Variants in CTNNA3 observed in about 807,000 individuals in gnomAD.
CTNNA3 encodes catenin alpha 3.
A neutral mutation model predicts 95.7 loss-of-function variants in CTNNA3; 76 were observed. That is an observed-to-expected ratio of 0.79 (90% CI 0.66 to 0.96). The LOEUF (loss-of-function observed/expected upper bound fraction) is 0.96. Among genes scored for constraint, CTNNA3 ranks in the 40% least tolerant of loss-of-function variants. CTNNA3 has a pLI of 0.00. For synonymous variants in CTNNA3, 431 were observed against 374.4 expected (o/e 1.15, Z -1.74); for missense variants, 1,191 against 1,089.8 (o/e 1.09, Z -1.31).
rs114179885 is a variant in CTNNA3, at chr10:66,265,411, A to G, written c.1884+15059T>C. Among the ~76,000 whole-genome samples the G allele has an allele frequency of 6.1e-3, 934 of 152,104 alleles. 12 individuals are homozygous for G. The highest frequency in any genetic ancestry group is 0.022 in the African/African-American group (902 of 41,546). On this transcript the variant is annotated intron_variant, in intron 13 of 17. Transcript: ENST00000433211. ...ACAAAATCAAGAGGAAACTTCTTAAAATGCAAATTGGATCATGCCCCTCCC... is the reference window on the plus strand; with the variant it reads ...ACAAAATCAAGAGGAAACTTCTTAAGATGCAAATTGGATCATGCCCCTCCC...
intron 5 of CTNNA3, among the ~76,000 whole-genome samples, chr10:67,262,366 A>G (rs1866654067): frequency 6.6e-6 from 1 of 152,208 alleles, no homozygotes; most frequent in Non-Finnish European, 1.5e-5. Context: ...GAAGCAGAAC[A>G]TCCACGCAAG....
At chr10:66,120,052 A>C (rs987557011) in intron 13 of CTNNA3, among the ~76,000 whole-genome samples, 2 of 152,178 alleles carry the variant, frequency 1.3e-5, no homozygotes, top group Non-Finnish European at 1.5e-5. Flanking sequence ...TCTCGTGTGA[A>C]ACTAGTTTTA....
intron 11 of CTNNA3, among the ~76,000 whole-genome samples, chr10:66,443,738 A>G (rs1413572650): frequency 6.6e-6 from 1 of 152,032 alleles, no homozygotes; most frequent in Non-Finnish European, 1.5e-5. Flanking sequence ...ACAGAGCAGA[A>G]AAACCAGAAA....
chr10:67,109,809 C>T (rs1335997448), intron 7 of CTNNA3, among the ~76,000 whole-genome samples: 6 of 152,086 alleles, frequency 3.9e-5, no homozygotes, highest in Admixed American at 3.9e-4. Flanking sequence ...CGCCACTGCA[C>T]TCCAGCCTGG....
intron 5 of CTNNA3, among the ~76,000 whole-genome samples, chr10:67,443,250 A>G (rs935569051): frequency 6.6e-6 from 1 of 151,178 alleles, no homozygotes; most frequent in Non-Finnish European, 1.5e-5. Flanking sequence ...GTGCCGCAAT[A>G]AACATACGTG....
intron 5 of CTNNA3, among the ~76,000 whole-genome samples, chr10:67,291,194 A>T (rs1332672220): frequency 6.6e-6 from 1 of 152,180 alleles, no homozygotes; most frequent in Non-Finnish European, 1.5e-5. Flanking sequence ...ATGAAATAAC[A>T]TATGTAAAAG....
At chr10:66,935,146 A>G (rs936117039) in intron 7 of CTNNA3, among the ~76,000 whole-genome samples, 3 of 152,110 alleles carry the variant, frequency 2.0e-5, no homozygotes, top group African/African-American at 7.2e-5. Context: ...CTGTCTTCCT[A>G]TAAGTTTCCC....
At chr10:66,519,706 T>G (rs921164279) in intron 11 of CTNNA3, among the ~76,000 whole-genome samples, 3 of 152,160 alleles carry the variant, frequency 2.0e-5, no homozygotes, top group African/African-American at 7.2e-5. Context: ...AGACTGAACC[T>G]TTGTTCATCT....
intron 10 of CTNNA3, among the ~76,000 whole-genome samples, chr10:66,618,359 A>G (rs1844605455): frequency 6.6e-6 from 1 of 152,138 alleles, no homozygotes; most frequent in Non-Finnish European, 1.5e-5. Context: ...GTACCAAAAC[A>G]GAGATATAGA....
intron 13 of CTNNA3, among the ~76,000 whole-genome samples, chr10:66,166,516 A>G (rs956323738): frequency 9.1e-5 from 13 of 142,608 alleles, no homozygotes; most frequent in African/African-American, 1.8e-4. Context: ...AAAAAAAAAA[A>G]AAGAAGAAGT....
chr10:66,720,203 GAGA>G (rs1364657544), intron 9 of CTNNA3, among the ~76,000 whole-genome samples: 2 of 152,002 alleles, frequency 1.3e-5, no homozygotes, highest in African/African-American at 2.4e-5. Context: ...AAATGAAAGA[GAGA>G]AGAAGAGAGA....
intron 3 of CTNNA3, among the ~76,000 whole-genome samples, chr10:67,581,574 A>G (rs931722345): frequency 6.6e-6 from 1 of 152,216 alleles, no homozygotes; most frequent in Non-Finnish European, 1.5e-5. Context: ...CTGGCCTCAT[A>G]AAATGAGTTA....
intron 7 of CTNNA3, among the ~76,000 whole-genome samples, chr10:66,988,814 A>C (rs1333658829): frequency 6.6e-6 from 1 of 151,922 alleles, no homozygotes; most frequent in African/African-American, 2.4e-5. Context: ...TAATCAATAG[A>C]TCATTATAAA....
intron 17 of CTNNA3, among the ~76,000 whole-genome samples, chr10:65,950,255 G>A (rs1213962737): frequency 6.6e-6 from 1 of 152,138 alleles, no homozygotes; most frequent in African/African-American, 2.4e-5. Context: ...TTCAGCATGA[G>A]TCAGACTGAA....
intron 15 of CTNNA3, among the ~76,000 whole-genome samples, chr10:66,013,685 T>C (rs1424742483): frequency 6.6e-6 from 1 of 152,216 alleles, no homozygotes; most frequent in South Asian, 2.1e-4. Context: ...AAAACAAGTA[T>C]GATAAAGGTT....
chr10:66,019,112 C>A (rs114449619), intron 15 of CTNNA3, among the ~76,000 whole-genome samples: 1 of 152,024 alleles, frequency 6.6e-6, no homozygotes, highest in African/African-American at 2.4e-5. Flanking sequence ...TAGCTGAGAG[C>A]TTTATTGCAG....
intron 11 of CTNNA3, among the ~76,000 whole-genome samples, chr10:66,408,363 C>T (rs2093074246): frequency 6.6e-6 from 1 of 151,710 alleles, no homozygotes; most frequent in South Asian, 2.1e-4. Context: ...AATTATAGTT[C>T]ATTAAACCAT....
At chr10:67,053,834 G>A (rs867908024) in intron 7 of CTNNA3, among the ~76,000 whole-genome samples, 1 of 152,098 alleles carries the variant, frequency 6.6e-6, no homozygotes, top group Non-Finnish European at 1.5e-5. Flanking sequence ...AACAAAATCC[G>A]AGGACCACAG....
chr10:66,265,115 T>C (rs574209447), intron 13 of CTNNA3, among the ~76,000 whole-genome samples: 1 of 152,122 alleles, frequency 6.6e-6, no homozygotes, highest in East Asian at 1.9e-4. Flanking sequence ...CACTTTAAAA[T>C]CACTCAGCAC....
Sources: allele counts gnomAD v4.1 joint callset (sites outside exome capture counted in the v4.1 genomes callset), GRCh38; gene constraint gnomAD v4.1.1; transcripts MANE v1.5; gene names NCBI Gene and HGNC (gene_info 2026-07-23, HGNC 2026-07-21).